NOTCH2NLA: variants seen among roughly 807,000 people sequenced by gnomAD.
NOTCH2NLA encodes the protein notch 2 N-terminal like A.
chr1:146,159,439 G>GAAA (rs1157012159), intron 3 of NOTCH2NLA, among the ~76,000 whole-genome samples: 10 of 149,138 alleles, frequency 6.7e-5, no homozygotes, highest in African/African-American at 2.5e-4. Flanking sequence ...AAGAAAGAAA[G>GAAA]AAAGAAAGAG....
At position 146,183,545 on chromosome 1, in the gene NOTCH2NLA, C is replaced by A. The variant is rs1400031663; in HGVS notation, c.38+5755G>T. Among the ~76,000 whole-genome samples the A allele has an allele frequency of 1.7e-5, 2 of 119,502 alleles. 1 individual carries two copies. Among genetic ancestry groups the A allele is most frequent in the Non-Finnish European group, 3.5e-5 (2 of 57,368 alleles). The allele number at this position is 119,502 out of a possible 152,430, so 78.4% of individuals were successfully genotyped here. A position where few individuals can be genotyped will look rare whatever the true frequency, so the allele number is the denominator to read the frequency against. ...TCATTTTCCAGAAAAACTATACACA[C>A]AATGTTCAGCTAAATAGGCACCGTA... On this transcript the variant is annotated intron_variant, in intron 2 of 4. Coordinates refer to ENST00000362074, the Ensembl canonical transcript of NOTCH2NLA.
chr1:146,180,043 C>T (rs1553808971), intron 2 of NOTCH2NLA, among the ~76,000 whole-genome samples: 5 of 139,386 alleles, frequency 3.6e-5, no homozygotes, highest in African/African-American at 1.2e-4. Flanking sequence ...TTATAGTAGC[C>T]TGCTCAATAA....
In NOTCH2NLA at chr1:146,158,171, T is replaced by C. The variant is rs1553803304; in HGVS notation, c.299-1356A>G. On this transcript the variant is annotated intron_variant, in intron 3 of 4. Transcript: ENST00000362074. ...ATAAGAACTCCTTGAATTTTTATTATTATTATTATTATACTTTAAGTTCTA... is the reference window on the plus strand; with the variant it reads ...ATAAGAACTCCTTGAATTTTTATTACTATTATTATTATACTTTAAGTTCTA... Among the ~76,000 whole-genome samples the C allele has an allele frequency of 2.6e-5, 4 of 151,926 alleles. No homozygotes were observed. The East Asian group carries it at 5.8e-4, about 22-fold the overall frequency.
chr1:146,170,795 CTTCAAGAATCTGAAGATAG>C, intron 2 of NOTCH2NLA, among the ~76,000 whole-genome samples: 1 of 114,198 alleles, frequency 8.8e-6, no homozygotes, highest in South Asian at 2.7e-4. Flanking sequence ...ACACGTAGCC[CTTCAAGAATCTGAAGATAG>C]TTATGTGGGC....
chr1:146,158,164 T>TTTATTA (rs1223504509), intron 3 of NOTCH2NLA, among the ~76,000 whole-genome samples: 1 of 150,298 alleles, frequency 6.7e-6, no homozygotes, highest in Non-Finnish European at 1.5e-5. Flanking sequence ...TCCTTGAATT[T>TTTATTA]TTATTATTAT....
rs4067772 is a variant in NOTCH2NLA, at chr1:146,186,523, T to C, written c.38+2777A>G. ...GTGCGTGCCACCACGCCCAGCTAAT[T>C]TTTTGCATTTTTAGTAGAGATGGGA... On this transcript the variant is annotated intron_variant, in intron 2 of 4. Transcript: ENST00000362074. 1.1e-4 allele frequency among the ~76,000 whole-genome samples: 16 copies of C among 142,242 alleles called. 1 individual carries two copies. The highest frequency in any genetic ancestry group is 1.0e-3 in the Admixed American group (14 of 13,996). 93.3% of individuals were successfully genotyped at this position (142,242 alleles called of 152,430 possible). A position where few individuals can be genotyped will look rare whatever the true frequency, so the allele number is the denominator to read the frequency against.
intron 1 of NOTCH2NLA, among the ~76,000 whole-genome samples, chr1:146,198,892 C>T (rs587730397): frequency 7.4e-5 from 2 of 26,996 alleles, no homozygotes; most frequent in Non-Finnish European, 7.9e-5. Flanking sequence ...CCTGGGTTCA[C>T]GCCATTCTCC....
At chr1:146,220,111 T>G (rs587723300) in intron 1 of NOTCH2NLA, among the ~76,000 whole-genome samples, 9 of 11,530 alleles carry the variant, frequency 7.8e-4, no homozygotes, top group African/African-American at 6.0e-3. Context: ...ATGTTTGCTT[T>G]TAGTTACAAC....
intron 3 of NOTCH2NLA, among the ~76,000 whole-genome samples, chr1:146,159,391 GAGAGAA>G (rs1257999501): frequency 7.4e-6 from 1 of 135,042 alleles, no homozygotes; most frequent in Non-Finnish European, 1.6e-5. Context: ...GAGAGAAAGA[GAGAGAA>G]AGAAAGAAAG....
At chr1:146,154,004 C>CAT (rs1240234634), downstream of NOTCH2NLA, 74 of 90,758 alleles carry the variant, frequency 8.2e-4, no homozygotes, top group African/African-American at 3.7e-3. Flanking sequence ...TGCACAACGC[C>CAT]ATACACACAC....
Position 146,187,628 on chromosome 1 carries a change from G to A in NOTCH2NLA, c.38+1672C>T, listed in dbSNP as rs587732264. The stretch of plus-strand genomic sequence containing the variant: ...CTATGCAAAAAATGCATAAGACTAA[G>A]ACCTCACATTCTAGCAAAAGAAACA... On this transcript the variant is annotated intron_variant, in intron 2 of 4. Transcript: ENST00000362074. Among the ~76,000 whole-genome samples the A allele has an allele frequency of 6.1e-3, 828 of 135,888 alleles. 137 individuals are homozygous for A. The highest frequency in any genetic ancestry group is 0.031 in the South Asian group (131 of 4,282). 89.1% of individuals were successfully genotyped at this position (135,888 alleles called of 152,430 possible). A position where few individuals can be genotyped will look rare whatever the true frequency, so the allele number is the denominator to read the frequency against.
chr1:146,174,805 A>AG (rs1379017739), intron 2 of NOTCH2NLA, among the ~76,000 whole-genome samples: 2 of 139,182 alleles, frequency 1.4e-5, no homozygotes, highest in African/African-American at 4.9e-5. Flanking sequence ...AGGTAAGGGC[A>AG]GGGGAAAAAA....
At chr1:146,198,790 G>A (rs1553813253) in intron 1 of NOTCH2NLA, among the ~76,000 whole-genome samples, 4 of 92,366 alleles carry the variant, frequency 4.3e-5, no homozygotes, top group South Asian at 3.4e-4. Flanking sequence ...CCTTTTTAAA[G>A]CTTTTTTTTT....
chr1:146,185,213 C>T lies in NOTCH2NLA; in HGVS notation c.38+4087G>A, dbSNP rs1464574032. ...ATTATACAAATCATAACCTAACCTACCCCCAGAATCCTAGTGAACTTGAGT... is the reference window on the plus strand; with the variant it reads ...ATTATACAAATCATAACCTAACCTATCCCCAGAATCCTAGTGAACTTGAGT... On this transcript the variant is annotated intron_variant, in intron 2 of 4. Transcript: ENST00000362074. 1.5e-3 allele frequency among the ~76,000 whole-genome samples: 202 copies of T among 134,614 alleles called. 18 individuals carry two copies. Among genetic ancestry groups the T allele is most frequent in the Non-Finnish European group, 2.7e-3 (159 of 57,834 alleles). 88.3% of individuals were successfully genotyped at this position (134,614 alleles called of 152,430 possible). A position where few individuals can be genotyped will look rare whatever the true frequency, so the allele number is the denominator to read the frequency against.
intron 1 of NOTCH2NLA, among the ~76,000 whole-genome samples, chr1:146,228,207 G>A (rs1424136031): frequency 6.8e-6 from 1 of 147,856 alleles, no homozygotes; most frequent in African/African-American, 2.5e-5. Context: ...CCCATGTGCC[G>A]CCCCCTGGCA....
chr1:146,186,948 T>C lies in NOTCH2NLA; in HGVS notation c.38+2352A>G, dbSNP rs1311743147. The stretch of plus-strand genomic sequence containing the variant: ...CATAGGCATACATGTGCCATGGTGG[T>C]TTGCTGCACCTATCAACCCGTCATC... On this transcript the variant is annotated intron_variant, in intron 2 of 4. Transcript: ENST00000362074. 4.5e-5 allele frequency among the ~76,000 whole-genome samples: 6 copies of C among 134,154 alleles called. 2 individuals carry two copies. The Admixed American group carries it at 4.7e-4, about 10-fold the overall frequency. 88.0% of individuals were successfully genotyped at this position (134,154 alleles called of 152,430 possible). A position where few individuals can be genotyped will look rare whatever the true frequency, so the allele number is the denominator to read the frequency against.
At chr1:146,227,906 T>A (rs2102380750) in intron 1 of NOTCH2NLA, among the ~76,000 whole-genome samples, 3 of 18,024 alleles carry the variant, frequency 1.7e-4, no homozygotes, top group South Asian at 3.5e-3. Flanking sequence ...GAGCAGCAAA[T>A]GCTGCTGCCA....
chr1:146,219,806 A>AATATAT (rs374296452), intron 1 of NOTCH2NLA, among the ~76,000 whole-genome samples: 2 of 88,580 alleles, frequency 2.3e-5, no homozygotes, highest in East Asian at 2.5e-4. Context: ...AAAAAAAAAA[A>AATATAT]ATATATATAT....
downstream of NOTCH2NLA, chr1:146,154,059 A>AC (rs1661025580): frequency 1.7e-5 from 2 of 118,216 alleles, no homozygotes; most frequent in Admixed American, 1.7e-4. Flanking sequence ...ACACACACAC[A>AC]TATTGATATG....
Sources: allele counts gnomAD v4.1 joint callset (sites outside exome capture counted in the v4.1 genomes callset), GRCh38; gene constraint gnomAD v4.1.1; transcripts MANE v1.5; gene names NCBI Gene and HGNC (gene_info 2026-07-23, HGNC 2026-07-21).